SPOCK3: variants seen among roughly 807,000 people sequenced by gnomAD.
SPOCK3 encodes the protein testican-3.
In SPOCK3, 30 loss-of-function variants were observed where a neutral mutation model predicts 56.6. That is an observed-to-expected ratio of 0.53 (90% CI 0.40 to 0.72). The LOEUF (loss-of-function observed/expected upper bound fraction) is 0.72, where lower values mean the gene tolerates loss of function less well. Ranked by LOEUF, SPOCK3 falls within the 30% of genes least tolerant of loss-of-function variation. The pLI is 0.00. For missense variants in SPOCK3, 527 were observed against 530.0 expected (o/e 0.99, Z 0.06); for synonymous variants, 196 against 183.3 (o/e 1.07, Z -0.56).
intron 8 of SPOCK3, among the ~76,000 whole-genome samples, chr4:166,746,318 G>T (rs1017372752): frequency 4.5e-4 from 68 of 152,282 alleles, no homozygotes; most frequent in African/African-American, 1.6e-3. Context: ...AATCAAATTA[G>T]AACTCAGGAT....
chr4:166,804,184 G>T (rs913578302), intron 6 of SPOCK3, among the ~76,000 whole-genome samples: 8 of 152,240 alleles, frequency 5.3e-5, no homozygotes, highest in Non-Finnish European at 8.8e-5. Context: ...TTCTGGGGCT[G>T]CCATAACAAA....
intron 2 of SPOCK3, among the ~76,000 whole-genome samples, chr4:167,129,400 C>G (rs1054498429): frequency 2.0e-5 from 3 of 152,146 alleles, no homozygotes; most frequent in African/African-American, 4.8e-5. Context: ...TATCTGGTGC[C>G]CTGTCTCCAG....
intron 4 of SPOCK3, among the ~76,000 whole-genome samples, chr4:166,975,362 T>G (rs947151913): frequency 6.6e-6 from 1 of 152,164 alleles, no homozygotes; most frequent in Non-Finnish European, 1.5e-5. Flanking sequence ...AAATTTTTAA[T>G]GTTTAATTTT....
chr4:167,204,853 C>A (rs1465830998), intron 2 of SPOCK3, among the ~76,000 whole-genome samples: 1 of 151,194 alleles, frequency 6.6e-6, no homozygotes, highest in Non-Finnish European at 1.5e-5. Context: ...GAAATCGGGT[C>A]TTGCTCTGTC....
chr4:167,173,180 G>C (rs1730660467), intron 2 of SPOCK3, among the ~76,000 whole-genome samples: 1 of 152,078 alleles, frequency 6.6e-6, no homozygotes. Context: ...ATACCCGTAA[G>C]CACTTTGTTT....
chr4:167,041,681 A>G (rs989070898), intron 3 of SPOCK3, among the ~76,000 whole-genome samples: 7 of 152,182 alleles, frequency 4.6e-5, no homozygotes, highest in African/African-American at 1.7e-4. Context: ...CGGCTTTGCT[A>G]TTCTATTATA....
intron 6 of SPOCK3, among the ~76,000 whole-genome samples, chr4:166,817,344 C>G (rs1286963706): frequency 6.6e-6 from 1 of 152,026 alleles, no homozygotes; most frequent in Admixed American, 6.6e-5. Context: ...TTTTTACTCT[C>G]AAGGGAGACA....
chr4:167,230,800 A>G (rs182055554), intron 2 of SPOCK3, among the ~76,000 whole-genome samples: 276 of 152,278 alleles, frequency 1.8e-3, no homozygotes, highest in African/African-American at 6.5e-3. Context: ...TGTCTATAAC[A>G]TTAAGCATCG....
chr4:166,934,894 G>C (rs1025219677), intron 4 of SPOCK3, among the ~76,000 whole-genome samples: 45 of 151,058 alleles, frequency 3.0e-4, no homozygotes, highest in Non-Finnish European at 6.0e-4. Flanking sequence ...AAAGCTAAAA[G>C]CTGAAATGTT....
intron 2 of SPOCK3, among the ~76,000 whole-genome samples, chr4:167,206,967 A>C (rs1293825918): frequency 1.3e-5 from 2 of 151,654 alleles, no homozygotes; most frequent in East Asian, 3.9e-4. Context: ...TTCCCAACAC[A>C]AAAAAAACGA....
intron 6 of SPOCK3, among the ~76,000 whole-genome samples, chr4:166,874,400 G>A (rs1275193195): frequency 1.3e-5 from 2 of 152,086 alleles, no homozygotes; most frequent in Non-Finnish European, 2.9e-5. Flanking sequence ...TTCCAAGTAG[G>A]GAAAAAGCAT....
chr4:167,063,531 T>C (rs1252301011), intron 2 of SPOCK3, among the ~76,000 whole-genome samples: 2 of 151,910 alleles, frequency 1.3e-5, no homozygotes, highest in Non-Finnish European at 2.9e-5. Context: ...GCAGAGATTC[T>C]TTCTCTTTGT....
chr4:166,989,420 C>T (rs1036977314), intron 4 of SPOCK3, among the ~76,000 whole-genome samples: 1 of 152,028 alleles, frequency 6.6e-6, no homozygotes, highest in South Asian at 2.1e-4. Flanking sequence ...TAATAACAGG[C>T]AAAATCCCTC....
At chr4:167,141,609 CTT>C (rs1252289972) in intron 2 of SPOCK3, among the ~76,000 whole-genome samples, 1 of 151,970 alleles carries the variant, frequency 6.6e-6, no homozygotes, top group Non-Finnish European at 1.5e-5. Flanking sequence ...GTCCATCTGT[CTT>C]TGCTTGCACA....
chr4:166,797,701 A>G (rs1475811565), intron 6 of SPOCK3, among the ~76,000 whole-genome samples: 1 of 152,150 alleles, frequency 6.6e-6, no homozygotes, highest in Admixed American at 6.5e-5. Context: ...AATTTTGTAA[A>G]TGCAGATTCT....
chr4:167,205,981 AAAT>A (rs1734288921), intron 2 of SPOCK3, among the ~76,000 whole-genome samples: 1 of 152,054 alleles, frequency 6.6e-6, no homozygotes, highest in Non-Finnish European at 1.5e-5. Flanking sequence ...ATAGTTTAGA[AAAT>A]AATCTTGATT....
intron 2 of SPOCK3, among the ~76,000 whole-genome samples, chr4:167,222,254 G>T (rs1735995661): frequency 6.6e-6 from 1 of 151,876 alleles, no homozygotes; most frequent in Admixed American, 6.6e-5. Flanking sequence ...CAAATTCGTA[G>T]AAACAAAAAG....
chr4:167,078,785 C>T (rs140273230), intron 2 of SPOCK3, among the ~76,000 whole-genome samples: 234 of 151,706 alleles, frequency 1.5e-3, no homozygotes, highest in Non-Finnish European at 2.7e-3. Context: ...CAATCTGCTA[C>T]GGAAAATAAT....
chr4:166,816,270 G>A (rs1292777402), intron 6 of SPOCK3, among the ~76,000 whole-genome samples: 1 of 152,004 alleles, frequency 6.6e-6, no homozygotes, highest in East Asian at 1.9e-4. Flanking sequence ...AATAGGCTTT[G>A]TTCACAGATT....
Sources: gnomAD v4.1 joint callset for allele counts (sites outside exome capture counted in the v4.1 genomes callset) on GRCh38, gnomAD v4.1.1 for gene constraint, MANE v1.5 for transcripts, NCBI Gene and HGNC (gene_info 2026-07-23, HGNC 2026-07-21) for gene names.